Variants in PARP16 observed in about 807,000 individuals in gnomAD.
PARP16 encodes poly(ADP-ribose) polymerase family member 16.
A neutral mutation model predicts 35.0 loss-of-function variants in PARP16; 31 were observed. The observed-to-expected ratio is 0.88, with a 90% CI of 0.66 to 1.19. PARP16 has a LOEUF of 1.19. PARP16 is among the 50% of genes most tolerant of loss of function. The probability of loss-of-function intolerance (pLI) is 0.00; values close to 1 mark genes in which losing one functional copy is unlikely to be tolerated. For synonymous variants in PARP16, 162 were observed against 169.5 expected (o/e 0.96, Z 0.34); for missense variants, 424 against 411.2 (o/e 1.03, Z -0.27).
At chr15:65,269,176 T>TTTTCTTTCTTTCTTTCTTTC (rs58938798) in intron 2 of PARP16, among the ~76,000 whole-genome samples, 6,356 of 146,018 alleles carry the variant, frequency 0.044, 221 homozygotes, top group East Asian at 0.15. Flanking sequence ...TAGTCGGTTT[T>TTTTCTTTCTTTCTTTCTTTC]TTTCTTTCTT....
At chr15:65,243,961 A>G (rs2089142730) in intron 3 of PARP16, among the ~76,000 whole-genome samples, 1 of 151,292 alleles carries the variant, frequency 6.6e-6, no homozygotes, top group African/African-American at 2.4e-5. Flanking sequence ...CTTCTTGCCC[A>G]CCTCTCTGCT....
In PARP16 at chr15:65,263,454, A is replaced by G. The variant is rs972432035; in HGVS notation, c.520-134T>C. The G allele has an allele frequency of 9.4e-6, 6 of 636,628 alleles. No individual in the cohort carries two copies. In the African/African-American group the frequency reaches 1.1e-4, roughly 12 times the overall value. 39.4% of individuals were successfully genotyped at this position (636,628 alleles called of 1,614,324 possible). ...CCCCCGCTTTTTGCCCCAGCAAGAC[A>G]CAGGATCAAATAATCCTGTGATATC... On this transcript the variant is annotated intron_variant, in intron 3 of 5. Transcript: ENST00000649807.
chr15:65,253,171 C>T (rs1463533974), downstream of PARP16, among the ~76,000 whole-genome samples: 1 of 151,264 alleles, frequency 6.6e-6, no homozygotes, highest in Non-Finnish European at 1.5e-5. Context: ...AAAAACAATG[C>T]AAGACACTGT....
At chr15:65,251,965 C>T (rs1002549774) in intron 2 of PARP16, among the ~76,000 whole-genome samples, 102 of 152,056 alleles carry the variant, frequency 6.7e-4, no homozygotes, top group Non-Finnish European at 1.0e-3. Flanking sequence ...GGGGTTTCAC[C>T]GTGTTAGCCA....
At chr15:65,277,131 A>T (rs2090284044) in intron 1 of PARP16, among the ~76,000 whole-genome samples, 2 of 152,066 alleles carry the variant, frequency 1.3e-5, no homozygotes, top group Non-Finnish European at 2.9e-5. Flanking sequence ...ACCTCCTGCC[A>T]CTAACTCCCT....
At chr15:65,238,204 A>G (rs527898849) in intron 3 of PARP16, among the ~76,000 whole-genome samples, 2 of 152,248 alleles carry the variant, frequency 1.3e-5, no homozygotes, top group African/African-American at 4.8e-5. Flanking sequence ...GAATTGCTTG[A>G]ACCCGGGAGG....
chr15:65,252,007 A>G (rs554186857), intron 2 of PARP16, among the ~76,000 whole-genome samples: 5 of 151,902 alleles, frequency 3.3e-5, no homozygotes, highest in African/African-American at 4.8e-5. Context: ...CTCGTGATCC[A>G]CCCGCCTCGG....
intron 2 of PARP16, among the ~76,000 whole-genome samples, chr15:65,269,540 C>A (rs2090028431): frequency 6.6e-6 from 1 of 152,134 alleles, no homozygotes; most frequent in Admixed American, 6.6e-5. Flanking sequence ...CAGTCTATGG[C>A]AAAGTTTTCT....
downstream of PARP16, among the ~76,000 whole-genome samples, chr15:65,257,533 G>A (rs868216982): frequency 6.6e-6 from 1 of 150,884 alleles, no homozygotes; most frequent in Non-Finnish European, 1.5e-5. Context: ...GGGAGGCTAA[G>A]GCAGGAAAAC....
At chr15:65,248,148 GC>G in exon 3 of PARP16, 1 of 456,384 alleles carries the variant, frequency 2.2e-6, no homozygotes, top group Non-Finnish European at 4.4e-6. Context: ...TTTCCATGAG[GC>G]CCTTGTCCTG....
chr15:65,273,724 A>C (rs749932517), intron 1 of PARP16, among the ~76,000 whole-genome samples: 11 of 151,930 alleles, frequency 7.2e-5, no homozygotes, highest in Non-Finnish European at 1.6e-4. Context: ...TAAAGATACA[A>C]AATTAGCCGG....
At chr15:65,281,520 A>C (rs931156998) in intron 1 of PARP16, among the ~76,000 whole-genome samples, 5 of 152,014 alleles carry the variant, frequency 3.3e-5, no homozygotes, top group South Asian at 2.1e-4. Context: ...GTGAAACCCT[A>C]TCTCTACTAA....
intron 1 of PARP16, chr15:65,285,713 A>G (rs1215293558): frequency 1.7e-5 from 3 of 180,728 alleles, no homozygotes; most frequent in Non-Finnish European, 3.5e-5. Context: ...AGGATAACTG[A>G]TATCTTGAAT....
chr15:65,246,557 CTT>C (rs1313131349), intron 3 of PARP16, among the ~76,000 whole-genome samples: 2 of 152,236 alleles, frequency 1.3e-5, no homozygotes, highest in Non-Finnish European at 2.9e-5. Flanking sequence ...AGCTTGAAGA[CTT>C]ACCTGACCCA....
chr15:65,272,642 C>T (rs1458757110), intron 1 of PARP16, among the ~76,000 whole-genome samples: 1 of 152,174 alleles, frequency 6.6e-6, no homozygotes, highest in East Asian at 1.9e-4. Context: ...GCCCATTGCC[C>T]CAGTTCTCCC....
At chr15:65,255,743 G>GAAAAATAAAAAAA (rs2089484856), downstream of PARP16, among the ~76,000 whole-genome samples, 1 of 57,162 alleles carries the variant, frequency 1.7e-5, no homozygotes, top group Non-Finnish European at 3.1e-5. Flanking sequence ...AGAAAACTCA[G>GAAAAATAAAAAAA]AAAAAAAAAA....
downstream of PARP16, among the ~76,000 whole-genome samples, chr15:65,253,814 AG>A (rs1182509617): frequency 6.6e-6 from 1 of 151,980 alleles, no homozygotes; most frequent in Non-Finnish European, 1.5e-5. Flanking sequence ...ATTTTAATGC[AG>A]GAAACCAGAT....
At chr15:65,253,845 GTCTC>G (rs749302049), downstream of PARP16, among the ~76,000 whole-genome samples, 1 of 151,868 alleles carries the variant, frequency 6.6e-6, no homozygotes, top group Non-Finnish European at 1.5e-5. Flanking sequence ...TTGAGATGGG[GTCTC>G]TCTCTGTCAC....
At chr15:65,267,858 T>A (rs1374481762) in intron 2 of PARP16, among the ~76,000 whole-genome samples, 11 of 151,002 alleles carry the variant, frequency 7.3e-5, no homozygotes, top group East Asian at 6.0e-4. Context: ...CCTGGCTAAT[T>A]TTTTTTGTAT....
Sources: allele counts gnomAD v4.1 joint callset (sites outside exome capture counted in the v4.1 genomes callset), GRCh38; gene constraint gnomAD v4.1.1; transcripts MANE v1.5; gene names NCBI Gene and HGNC (gene_info 2026-07-23, HGNC 2026-07-21).